The following DAAM2 variants were observed in gnomAD, a reference collection of about 807,000 sequenced individuals.
DAAM2 encodes the protein dishevelled associated activator of morphogenesis 2.
In DAAM2, 39 loss-of-function variants were observed where a neutral mutation model predicts 120.7. The ratio of observed to expected loss-of-function variants is 0.32; its 90% CI spans 0.25 to 0.42. The LOEUF is 0.42. Ranked by LOEUF, DAAM2 falls within the 10% of genes least tolerant of loss-of-function variation. The pLI is 1.00. For synonymous variants in DAAM2, 488 were observed against 524.9 expected (o/e 0.93, Z 0.96); for missense variants, 1,283 against 1,401.7 (o/e 0.92, Z 1.35).
chr6:39,897,730 C>T (rs1246724719), intron 21 of DAAM2, among the ~76,000 whole-genome samples: 1 of 152,096 alleles, frequency 6.6e-6, no homozygotes, highest in Non-Finnish European at 1.5e-5. Flanking sequence ...CTTAAATCTC[C>T]ACCTAGGGGT....
Position 39,867,541 on chromosome 6 carries a change from T to A in DAAM2, c.460T>A (p.Leu154Met). 1 of 1,614,056 alleles carries A rather than the reference T, an allele frequency of 6.2e-7. No individual in the cohort carries two copies. Among genetic ancestry groups the A allele is most frequent in the Non-Finnish European group, 8.5e-7 (1 of 1,179,894 alleles). ...FVTRFIELEG[L>M]TCLLNFLRSM... ...GACCCGCTTCATTGAGCTGGAGGGC[T>A]TGACCTGTCTGCTAAATTTCCTCCG... Residue 154 changes from leucine (L) to methionine (M), a missense_variant, in exon 6 of 25, where the codon TTG (leucine) becomes ATG (methionine). Coordinates refer to ENST00000274867, the MANE Select transcript of DAAM2 (RefSeq NM_001201427.2).
At position 39,900,204 on chromosome 6, in the gene DAAM2, A is replaced by G; in HGVS notation, c.2807A>G (p.Asp936Gly). The change falls in exon 23 of 25, where the codon GAC becomes GGC. Residue 936 changes from aspartate to glycine, a missense_variant. By Grantham distance (94) the Asp-to-Gly change is moderately conservative. Transcript: ENST00000274867. ...GAGGACCAGCTAAATGAGGCCAGGG[A>G]CAAGGTAAGGGTGCCCCAACCCCCA... ...ELEDQLNEAR[D>G]KFAKALMHFG... The G allele has an allele frequency of 6.2e-7, 1 of 1,610,008 alleles. No homozygotes were observed. The highest frequency in any genetic ancestry group is 8.5e-7 in the Non-Finnish European group (1 of 1,178,304).
chr6:39,859,232 A>G (rs1764120853), intron 2 of DAAM2, among the ~76,000 whole-genome samples: 1 of 152,202 alleles, frequency 6.6e-6, no homozygotes, highest in African/African-American at 2.4e-5. Context: ...GTGGGTGCAG[A>G]TGCCTGTCCA....
rs1764534499 is a variant in DAAM2, at chr6:39,868,854, G to A, written c.794G>A (p.Gly265Asp). The A allele has an allele frequency of 6.3e-7, 1 of 1,586,376 alleles. No individual in the cohort carries two copies. Among genetic ancestry groups the A allele is most frequent in the Non-Finnish European group, 8.6e-7 (1 of 1,166,314 alleles). ...CTGAACGAGCTAGACCGAAGTCTGG[G>A]CCGGTACCGGGATGAAGTGAATCTG... ...TLLNELDRSL[G>D]RYRDEVNLKT... Residue 265 changes from glycine to aspartate, a missense_variant, in exon 7 of 25, where the codon GGC becomes GAC. Gly to Asp is a moderately conservative substitution (Grantham distance 94). Transcript: ENST00000274867.
At chr6:39,887,735 C>G in intron 16 of DAAM2, 143 bp downstream of exon 16, 2 of 605,644 alleles carry the variant, frequency 3.3e-6, no homozygotes, top group East Asian at 5.9e-5. Context: ...TCTCGGGAAC[C>G]TGCCTTGAGC....
chr6:39,863,482 G>A (rs1002085690), intron 3 of DAAM2, among the ~76,000 whole-genome samples: 3 of 152,048 alleles, frequency 2.0e-5, no homozygotes, highest in Non-Finnish European at 2.9e-5. Context: ...TGCAGGGCCC[G>A]CTGGCAGCTG....
chr6:39,794,295 A>G (rs937127770), intron 1 of DAAM2, among the ~76,000 whole-genome samples: 1 of 152,074 alleles, frequency 6.6e-6, no homozygotes, highest in Admixed American at 6.5e-5. Context: ...TAAATGGTCT[A>G]TTTCTTCATC....
At chr6:39,840,653 G>A (rs1763288556) in intron 1 of DAAM2, among the ~76,000 whole-genome samples, 1 of 152,118 alleles carries the variant, frequency 6.6e-6, no homozygotes, top group South Asian at 2.1e-4. Context: ...CTGAAGGAAG[G>A]AGATGGAGGG....
At chr6:39,850,387 T>C (rs1273981666) in intron 1 of DAAM2, among the ~76,000 whole-genome samples, 1 of 152,164 alleles carries the variant, frequency 6.6e-6, no homozygotes, top group Non-Finnish European at 1.5e-5. Context: ...GACCCGGTCC[T>C]CCTTCTCAGG....
chr6:39,850,832 G>T (rs1763783065), intron 1 of DAAM2, among the ~76,000 whole-genome samples: 1 of 152,206 alleles, frequency 6.6e-6, no homozygotes, highest in African/African-American at 2.4e-5. Context: ...CTGAAGGTAG[G>T]AAAGGAGGCA....
intron 1 of DAAM2, among the ~76,000 whole-genome samples, chr6:39,808,478 C>A (rs1762074870): frequency 6.6e-6 from 1 of 152,220 alleles, no homozygotes; most frequent in Non-Finnish European, 1.5e-5. Flanking sequence ...TCATATACAG[C>A]CATTGCTCTG....
chr6:39,819,798 A>G (rs577704542), intron 1 of DAAM2: 1 of 152,332 alleles, frequency 6.6e-6, no homozygotes, highest in Non-Finnish European at 1.5e-5. Flanking sequence ...CTGTGTCCTC[A>G]CATGGCAGAT....
rs574939373 is a variant in DAAM2, at chr6:39,850,380, C to A, written c.-56-5867C>A. The stretch of plus-strand genomic sequence containing the variant: ...TTACCCCCCACCTCCCAGGCTGGAC[C>A]CGGTCCTCCTTCTCAGGGCTGCCCA... On this transcript the variant is annotated intron_variant, in intron 1 of 24. Transcript: ENST00000274867. Among the ~76,000 whole-genome samples, 9 of 152,268 alleles carry A rather than the reference C, an allele frequency of 5.9e-5. No individual in the cohort carries two copies. In the South Asian group the frequency reaches 1.9e-3, roughly 32 times the overall value.
chr6:39,882,743 T>C (rs995252710), intron 14 of DAAM2, among the ~76,000 whole-genome samples: 1 of 151,380 alleles, frequency 6.6e-6, no homozygotes, highest in African/African-American at 2.4e-5. Context: ...ATACACACAC[T>C]CATACACAGT....
chr6:39,831,090 A>G (rs1226624785), intron 1 of DAAM2, among the ~76,000 whole-genome samples: 1 of 152,210 alleles, frequency 6.6e-6, no homozygotes, highest in Non-Finnish European at 1.5e-5. Context: ...CACAGTTAGT[A>G]AGTTTCATAT....
At position 39,893,590 on chromosome 6, in the gene DAAM2, G is replaced by A. The variant is rs537732711; in HGVS notation, c.2341+1868G>A. On this transcript the variant is annotated intron_variant, in intron 19 of 24. Coordinates refer to ENST00000274867, the MANE Select transcript of DAAM2 (RefSeq NM_001201427.2). ...TCTCCATTTGATATCAAGCTAAGCC[G>A]AGTAAGATGTGTTTGGGATAGCAAG... Among the ~76,000 whole-genome samples the A allele has an allele frequency of 2.6e-5, 4 of 152,240 alleles. No homozygotes were observed. The South Asian group carries it at 8.3e-4, about 32-fold the overall frequency.
intron 1 of DAAM2, among the ~76,000 whole-genome samples, chr6:39,833,658 T>G (rs1392947446): frequency 1.3e-5 from 2 of 152,194 alleles, no homozygotes; most frequent in Non-Finnish European, 2.9e-5. Flanking sequence ...ATCATTACCT[T>G]GTATCAACTG....
chr6:39,841,499 G>C (rs1763339606), intron 1 of DAAM2, among the ~76,000 whole-genome samples: 1 of 152,040 alleles, frequency 6.6e-6, no homozygotes, highest in South Asian at 2.1e-4. Context: ...GAATCAGAGA[G>C]GCTAGAGAGA....
chr6:39,813,165 T>TGC (rs200610676), intron 1 of DAAM2, among the ~76,000 whole-genome samples: 2 of 151,854 alleles, frequency 1.3e-5, no homozygotes, highest in African/African-American at 2.4e-5. Context: ...TGTGTGTGTG[T>TGC]GCGTGTGTGT....
Sources: gnomAD v4.1 joint callset for allele counts (sites outside exome capture counted in the v4.1 genomes callset) on GRCh38, gnomAD v4.1.1 for gene constraint, MANE v1.5 for transcripts, NCBI Gene and HGNC (gene_info 2026-07-23, HGNC 2026-07-21) for gene names.